Variants in WDR45 observed in about 807,000 individuals in gnomAD.
WDR45 encodes WD repeat domain 45, also known as WD repeat domain phosphoinositide-interacting protein 4.
In WDR45, 2 loss-of-function variants were observed where a neutral mutation model predicts 27.3. That is an observed-to-expected ratio of 0.07 (90% confidence interval 0.03 to 0.23). WDR45 has a LOEUF of 0.23. Among genes scored for constraint, WDR45 ranks in the 10% least tolerant of loss-of-function variants. The pLI, the probability that WDR45 is intolerant of heterozygous loss-of-function variation, is 1.00. For synonymous variants in WDR45, 99 were observed against 119.2 expected (o/e 0.83, Z 1.11); for missense variants, 175 against 311.9 (o/e 0.56, Z 3.31).
In WDR45 at chrX:49,075,242, C is replaced by T; in HGVS notation, c.867G>A (p.Gln289=). 1 of 1,211,986 alleles carries T rather than the reference C, an allele frequency of 8.3e-7. No individual in the cohort carries two copies. Among genetic ancestry groups the T allele is most frequent in the Non-Finnish European group, 1.1e-6 (1 of 895,447 alleles). ...CCAGGCTCCACTGAGAGTCCACGTA[C>T]TGCCCAATCATAGGCCCCACCTTGC... ...RVGKVGPMIG[Q]YVDSQWSLAS... is the part of the protein sequence containing the mutation. The change falls in exon 10 of 11, where the codon CAG becomes CAA. Residue 289 remains glutamine (Q), a synonymous_variant. Coordinates refer to ENST00000376372, the MANE Select transcript of WDR45 (RefSeq NM_001029896.2).
chrX:49,091,293 T>A (rs1187518996), intron 2 of WDR45, among the ~76,000 whole-genome samples: 2 of 108,775 alleles, frequency 1.8e-5, no homozygotes, highest in African/African-American at 6.7e-5. Context: ...ATACAAAAAT[T>A]AGCTGGGCGT....
At chrX:49,087,889 C>T (rs1266570913) in intron 2 of WDR45, among the ~76,000 whole-genome samples, 1 of 112,222 alleles carries the variant, frequency 8.9e-6, no homozygotes, top group African/African-American at 3.2e-5. Context: ...AGAGCGAGAC[C>T]CAGTCTCAAA....
At chrX:49,090,150 G>A (rs1569523880) in intron 2 of WDR45, among the ~76,000 whole-genome samples, 1 of 110,624 alleles carries the variant, frequency 9.0e-6, no homozygotes, top group Non-Finnish European at 1.9e-5. Context: ...TGCAACCTCT[G>A]CCTCCCAGGT....
intron 2 of WDR45, among the ~76,000 whole-genome samples, chrX:49,093,734 G>A (rs2065115456): frequency 9.1e-6 from 1 of 109,754 alleles, no homozygotes; most frequent in African/African-American, 3.3e-5. Context: ...TGAAGATGCG[G>A]TCTCATTATG....
At chrX:49,099,649 C>T (rs1439132446) in intron 2 of WDR45, among the ~76,000 whole-genome samples, 1 of 107,940 alleles carries the variant, frequency 9.3e-6, no homozygotes, top group Non-Finnish European at 1.9e-5. Context: ...GGCGTGGTGG[C>T]GGGCGCCTGT....
chrX:49,087,314 C>T (rs781821752), intron 2 of WDR45, among the ~76,000 whole-genome samples: 9 of 107,999 alleles, frequency 8.3e-5, no homozygotes, highest in Middle Eastern at 9.3e-3. Context: ...GCTGATATCG[C>T]ACCATTGCAC....
At chrX:49,082,397 A>G (rs1557085304), upstream of WDR45, among the ~76,000 whole-genome samples, 1 of 111,423 alleles carries the variant, frequency 9.0e-6, no homozygotes, top group African/African-American at 3.3e-5. Context: ...TGTTTCAGAT[A>G]CTGTGTCGTC....
Position 49,074,463 on chromosome X carries a change from C to T in WDR45, c.*340G>A. On this transcript the variant is annotated 3_prime_UTR_variant, in exon 11 of 11. Coordinates refer to ENST00000376372, the MANE Select transcript of WDR45 (RefSeq NM_001029896.2). Reference sequence around the variant, plus strand: ...TAAATGCCATTAAGGGCCTTTTATTCGTATTCATCACATCGGAGATCATCT... The same window carrying T: ...TAAATGCCATTAAGGGCCTTTTATTTGTATTCATCACATCGGAGATCATCT... The T allele has an allele frequency of 2.9e-6, 1 of 341,229 alleles. No individual in the cohort carries two copies. The highest frequency in any genetic ancestry group is 5.1e-6 in the Non-Finnish European group (1 of 197,752). 28.1% of individuals were successfully genotyped at this position (341,229 alleles called of 1,213,427 possible). A position where few individuals can be genotyped will look rare whatever the true frequency, so the allele number is the denominator to read the frequency against.
At chrX:49,076,005 G>T in intron 6 of WDR45, 60 bp from the exon 7 acceptor site, 1 of 950,669 alleles carries the variant, frequency 1.1e-6, no homozygotes, top group Non-Finnish European at 1.5e-6. Flanking sequence ...ATCTCAGAAT[G>T]GACAGAGCTG....
At position 49,075,731 on chromosome X, in the gene WDR45, C is replaced by G; in HGVS notation, c.539G>C (p.Gly180Ala). Residue 180 changes from glycine to alanine, a missense_variant, in exon 8 of 11, where the codon GGC (glycine) becomes GCC (alanine). Physicochemically the swap from Gly to Ala is moderately conservative, Grantham distance 60. Transcript: ENST00000376372. ...GATCGTGAATGGAGCAGACGAGGTG[C>G]CAGGCTTTGTGCTCGCCAGGTCCTG... ...QLVDLASTKP[G>A]TSSAPFTINA... 1 of 1,208,553 alleles carries G rather than the reference C, an allele frequency of 8.3e-7. No homozygotes were observed. Among genetic ancestry groups the G allele is most frequent in the East Asian group, 3.0e-5 (1 of 33,756 alleles).
chrX:49,091,957 C>G (rs1196042612), intron 2 of WDR45, among the ~76,000 whole-genome samples: 3 of 102,466 alleles, frequency 2.9e-5, no homozygotes, highest in Non-Finnish European at 5.9e-5. Flanking sequence ...GGTGAAACCC[C>G]GTCTCTACAA....
chrX:49,093,389 T>G (rs1393787105), intron 2 of WDR45, among the ~76,000 whole-genome samples: 1 of 111,030 alleles, frequency 9.0e-6, no homozygotes, highest in Admixed American at 9.7e-5. Flanking sequence ...TTCAAGCAAT[T>G]CTCTTCCCTG....
intron 1 of WDR45, among the ~76,000 whole-genome samples, chrX:49,079,442 A>G (rs1362532505): frequency 1.8e-5 from 2 of 108,534 alleles, no homozygotes; most frequent in African/African-American, 6.7e-5. Context: ...CAACTCCCCA[A>G]TAACTCTGGC....
chrX:49,093,364 C>T (rs1557086889), intron 2 of WDR45, among the ~76,000 whole-genome samples: 1 of 110,832 alleles, frequency 9.0e-6, no homozygotes, highest in East Asian at 2.8e-4. Flanking sequence ...CTCACTGCAA[C>T]CTCCACCTCC....
chrX:49,082,045 G>A (rs1447311294), upstream of WDR45: 1 of 107,407 alleles, frequency 9.3e-6, no homozygotes, highest in African/African-American at 3.4e-5. Flanking sequence ...TGCAGTGGCA[G>A]TATCATAGCC....
At chrX:49,084,033 C>T (rs1275048914), upstream of WDR45, among the ~76,000 whole-genome samples, 1 of 105,574 alleles carries the variant, frequency 9.5e-6, no homozygotes, top group African/African-American at 3.4e-5. Context: ...TAATTCCCCT[C>T]CATTTTCTTT....
upstream of WDR45, among the ~76,000 whole-genome samples, chrX:49,083,323 T>TG (rs1204000479): frequency 2.9e-5 from 3 of 101,847 alleles, no homozygotes; most frequent in African/African-American, 1.1e-4. Context: ...CTCGTTTTTT[T>TG]TTTTTTTTTT....
chrX:49,096,232 T>G (rs2065125118), intron 2 of WDR45, among the ~76,000 whole-genome samples: 1 of 110,303 alleles, frequency 9.1e-6, no homozygotes, highest in South Asian at 3.8e-4. Context: ...CTCTTGCTTA[T>G]CTCTCTCTCT....
intron 2 of WDR45, among the ~76,000 whole-genome samples, chrX:49,091,308 G>A (rs1002098155): frequency 7.2e-5 from 8 of 110,477 alleles, no homozygotes; most frequent in African/African-American, 2.6e-4. Context: ...GGGCGTGATG[G>A]TGCACGTCTG....
Sources: allele counts gnomAD v4.1 joint callset (sites outside exome capture counted in the v4.1 genomes callset), GRCh38; gene constraint gnomAD v4.1.1; transcripts MANE v1.5; gene names NCBI Gene and HGNC (gene_info 2026-07-23, HGNC 2026-07-21).